ANKRD44: variants seen among roughly 807,000 people sequenced by gnomAD.
ANKRD44 encodes the protein ankyrin repeat domain 44, also known as serine/threonine-protein phosphatase 6 regulatory ankyrin repeat subunit B.
Under a neutral mutation model 116.0 loss-of-function variants are expected in ANKRD44, and 35 were observed. The observed-to-expected ratio is 0.30, with a 90% CI of 0.23 to 0.40. The LOEUF (loss-of-function observed/expected upper bound fraction) is 0.40. ANKRD44 is among the 10% of genes least tolerant of loss of function. ANKRD44 has a pLI of 1.00. For missense variants in ANKRD44, 1,014 were observed against 1,242.6 expected, an observed-to-expected ratio of 0.82 and a Z score of 2.77; for synonymous variants, 435 against 461.8, an observed-to-expected ratio of 0.94 and a Z score of 0.74.
intron 1 of ANKRD44, among the ~76,000 whole-genome samples, chr2:197,294,340 G>T (rs970400026): frequency 6.6e-6 from 1 of 152,104 alleles, no homozygotes; most frequent in African/African-American, 2.4e-5. Flanking sequence ...TCACTTCTGA[G>T]AAAAGTGAAC....
chr2:197,078,423 G>A (rs2077720698), intron 16 of ANKRD44: 3 of 685,558 alleles, frequency 4.4e-6, no homozygotes. Context: ...CAATGCTGGT[G>A]TTAGGAGGCA....
intron 1 of ANKRD44, among the ~76,000 whole-genome samples, chr2:197,217,568 G>T (rs1218488567): frequency 6.6e-6 from 1 of 152,190 alleles, no homozygotes; most frequent in African/African-American, 2.4e-5. Context: ...ACTTGAAATT[G>T]TTGTATAAAA....
At chr2:197,014,057 T>C (rs2076344501) in intron 17 of ANKRD44, among the ~76,000 whole-genome samples, 1 of 152,250 alleles carries the variant, frequency 6.6e-6, no homozygotes, top group Non-Finnish European at 1.5e-5. Flanking sequence ...TATTCTTTTA[T>C]CTGTCAGTTC....
chr2:196,975,239 C>T (rs2075748428), intron 21 of ANKRD44, among the ~76,000 whole-genome samples: 2 of 152,064 alleles, frequency 1.3e-5, no homozygotes, highest in African/African-American at 4.8e-5. Context: ...TAGAAAGACA[C>T]AAATTGCTGA....
In ANKRD44 at chr2:196,989,782, A is replaced by G. The variant is rs977031618; in HGVS notation, c.2924-133T>C. 4.1e-6 allele frequency: 6 copies of G among 1,473,420 alleles called. No individual in the cohort carries two copies. In the African/African-American group the frequency reaches 8.5e-5, roughly 21 times the overall value. The allele number at this position is 1,473,420 out of a possible 1,614,324, so 91.3% of individuals were successfully genotyped here. Reference sequence around the variant, plus strand: ...TTTTTTTGTTCCTTTTTGCAGTCACACTTTTCACTGACTTGGTATGACCTT... The same window carrying G: ...TTTTTTTGTTCCTTTTTGCAGTCACGCTTTTCACTGACTTGGTATGACCTT... On this transcript the variant is annotated intron_variant, in intron 27 of 27. Transcript: ENST00000282272.
chr2:197,301,545 A>C (rs1255479592), intron 1 of ANKRD44: 1 of 152,210 alleles, frequency 6.6e-6, no homozygotes, highest in Non-Finnish European at 1.5e-5. Flanking sequence ...GTGATCTTTT[A>C]TCTTTTCATA....
chr2:197,044,762 G>T (rs2076971833), intron 16 of ANKRD44, among the ~76,000 whole-genome samples: 1 of 151,898 alleles, frequency 6.6e-6, no homozygotes, highest in Non-Finnish European at 1.5e-5. Flanking sequence ...ATCTCACTTG[G>T]TCCTAAAATA....
chr2:197,001,621 T>C (rs1258694305), intron 22 of ANKRD44, 132 bp downstream of exon 22: 1 of 630,196 alleles, frequency 1.6e-6, no homozygotes, highest in African/African-American at 1.8e-5. Flanking sequence ...GATCTACTTG[T>C]CTTTAGCAGC....
chr2:197,015,448 C>T (rs2076374178), intron 17 of ANKRD44: 1 of 505,956 alleles, frequency 2.0e-6, no homozygotes, highest in African/African-American at 2.0e-5. Flanking sequence ...TCAGAAACAC[C>T]ACAATATTAA....
chr2:196,984,867 C>T (rs1163548984), downstream of ANKRD44, among the ~76,000 whole-genome samples: 1 of 152,226 alleles, frequency 6.6e-6, no homozygotes, highest in Admixed American at 6.5e-5. Flanking sequence ...CCAAAAATGG[C>T]TCCTAGTAAT....
At chr2:197,052,046 T>C (rs146668318) in intron 16 of ANKRD44, among the ~76,000 whole-genome samples, 190 of 152,220 alleles carry the variant, frequency 1.2e-3, no homozygotes, top group African/African-American at 4.5e-3. Context: ...AGCTTCATAA[T>C]AGGAAGATAA....
At chr2:197,275,176 G>A (rs972632731) in intron 1 of ANKRD44, among the ~76,000 whole-genome samples, 2 of 151,644 alleles carry the variant, frequency 1.3e-5, no homozygotes, top group African/African-American at 2.4e-5. Context: ...TGGTAGTGGT[G>A]TAATCACAGC....
chr2:197,028,046 T>C (rs2076631096), intron 16 of ANKRD44, among the ~76,000 whole-genome samples: 1 of 152,118 alleles, frequency 6.6e-6, no homozygotes, highest in South Asian at 2.1e-4. Context: ...AACTGACCAC[T>C]GTGTTTAGCA....
At chr2:197,164,657 C>T (rs529546774) in intron 2 of ANKRD44, among the ~76,000 whole-genome samples, 3 of 152,308 alleles carry the variant, frequency 2.0e-5, no homozygotes, top group South Asian at 2.1e-4. Flanking sequence ...TCGCTGGCCC[C>T]TCCTGCCCCG....
Position 196,993,596 on chromosome 2 carries a change from A to G in ANKRD44, c.2910T>C (p.Ala970=). The G allele has an allele frequency of 3.9e-6, 6 of 1,550,956 alleles. No individual in the cohort carries two copies. Among genetic ancestry groups the G allele is most frequent in the Non-Finnish European group, 5.2e-6 (6 of 1,147,014 alleles). The change falls in exon 27 of 28, where the codon GCT becomes GCC. Residue 970 remains alanine (A), a synonymous_variant. Coordinates refer to ENST00000282272, the MANE Select transcript of ANKRD44 (RefSeq NM_001195144.2). ...TTTTCCACTTACCATTTTCATCTAC[A>G]GCAAGTACACAGGCCCCTTTGGCCA... ...ELLAKGACVL[A]VDENASRSNG...
chr2:197,085,931 T>A (rs918847393), intron 13 of ANKRD44, among the ~76,000 whole-genome samples: 1 of 151,016 alleles, frequency 6.6e-6, no homozygotes, highest in Non-Finnish European at 1.5e-5. Flanking sequence ...GGAGTGAGAG[T>A]CCATAAGAAT....
At chr2:197,008,843 A>G (rs1322171221) in intron 19 of ANKRD44, 101 bp downstream of exon 19, 2 of 1,033,124 alleles carry the variant, frequency 1.9e-6, no homozygotes, top group Non-Finnish European at 3.0e-6. Flanking sequence ...TATTCCTCCA[A>G]TTTCTCGGTT....
chr2:197,096,961 A>AGTT (rs2078175622), intron 10 of ANKRD44, among the ~76,000 whole-genome samples: 1 of 152,212 alleles, frequency 6.6e-6, no homozygotes, highest in African/African-American at 2.4e-5. Context: ...ATCCCCAGAT[A>AGTT]GTTGTGACAA....
At position 196,993,515 on chromosome 2, in the gene ANKRD44, C is replaced by T. The variant is rs1014330409; in HGVS notation, c.2923+68G>A. On this transcript the variant is annotated intron_variant, in intron 27 of 27. Transcript: ENST00000282272. Reference sequence around the variant, plus strand: ...GCCTTTTATACTAGCTCCTATCTTTCTCATTTCCTCTGGCTTCAACTAGCT... The same window carrying T: ...GCCTTTTATACTAGCTCCTATCTTTTTCATTTCCTCTGGCTTCAACTAGCT... 6.2e-6 allele frequency: 8 copies of T among 1,300,146 alleles called. No homozygotes were observed. In the Admixed American group the frequency reaches 8.0e-5, roughly 13 times the overall value. The allele number at this position is 1,300,146 out of a possible 1,614,324, so 80.5% of individuals were successfully genotyped here. A position where few individuals can be genotyped will look rare whatever the true frequency, so the allele number is the denominator to read the frequency against.
Sources: allele counts gnomAD v4.1 joint callset (sites outside exome capture counted in the v4.1 genomes callset), GRCh38; gene constraint gnomAD v4.1.1; transcripts MANE v1.5; gene names NCBI Gene and HGNC (gene_info 2026-07-23, HGNC 2026-07-21).